Variants in ZNF568 observed in about 807,000 individuals in gnomAD.
ZNF568 encodes the protein zinc finger protein 568, also known as p53 inhibitor of SCO2 activation.
In ZNF568, 11 loss-of-function variants were observed where a neutral mutation model predicts 18.1. That is an observed-to-expected ratio of 0.61 (90% CI 0.38 to 1.00). The LOEUF (loss-of-function observed/expected upper bound fraction) is 1.00, where lower values mean the gene tolerates loss of function less well. Among genes scored for constraint, ZNF568 ranks in the 50% least tolerant of loss-of-function variants. ZNF568 has a pLI of 0.01. For missense variants in ZNF568, 639 were observed against 768.2 expected, an observed-to-expected ratio of 0.83 and a Z score of 1.99; for synonymous variants, 213 against 246.6, an observed-to-expected ratio of 0.86 and a Z score of 1.28.
intron 7 of ZNF568, among the ~76,000 whole-genome samples, chr19:36,975,428 C>G (rs992521599): frequency 2.0e-5 from 3 of 151,634 alleles, no homozygotes; most frequent in African/African-American, 4.8e-5. Flanking sequence ...GCTCTGTCGC[C>G]AGTTAGGAGT....
rs142062272 is a variant in ZNF568, at chr19:36,974,222, T to A, written c.359-198T>A. Among the ~76,000 whole-genome samples, 47 of 152,208 alleles carry A rather than the reference T, an allele frequency of 3.1e-4. No individual in the cohort carries two copies. The East Asian group carries it at 8.5e-3, about 28-fold the overall frequency. On this transcript the variant is annotated intron_variant, in intron 6 of 7. Transcript: ENST00000427117. ...GTTATGGAGGAAGAGGGCTACGGTC[T>A]GGGGGGCTCTCCCAGGACTTCTCTC... is the stretch of plus-strand genomic sequence containing the variant.
chr19:36,937,142 A>G lies in ZNF568; in HGVS notation c.263-5A>G, dbSNP rs770931884. On this transcript the variant is annotated splice_polypyrimidine_tract_variant and splice_region_variant and intron_variant, in intron 5 of 6. Coordinates refer to ENST00000333987, the MANE Select transcript of ZNF568 (RefSeq NM_198539.4). ...ATCCACATCCTTTGCTATTTCTTGT[A>G]ATAGGCTGTCAAGTCACCAAACCGG... is the stretch of plus-strand genomic sequence containing the variant. 44 of 1,613,180 alleles carry G rather than the reference A, an allele frequency of 2.7e-5. No individual in the cohort carries two copies. Among genetic ancestry groups the G allele is most frequent in the Non-Finnish European group, 3.5e-5 (41 of 1,179,484 alleles).
chr19:36,955,081 G>A (rs907284433), downstream of ZNF568, among the ~76,000 whole-genome samples: 2 of 151,890 alleles, frequency 1.3e-5, no homozygotes, highest in Non-Finnish European at 2.9e-5. Context: ...GTTTCACTAC[G>A]TAGGTCAAGC....
At chr19:36,981,900 A>G (rs1237815303), downstream of ZNF568, among the ~76,000 whole-genome samples, 2 of 151,310 alleles carry the variant, frequency 1.3e-5, no homozygotes, top group African/African-American at 4.9e-5. Context: ...AAAATAAAAT[A>G]TAATTTTCTC....
At chr19:36,930,501 G>A (rs1186865532) in intron 4 of ZNF568, among the ~76,000 whole-genome samples, 3 of 152,142 alleles carry the variant, frequency 2.0e-5, no homozygotes, top group East Asian at 1.9e-4. Flanking sequence ...GAGCCACCGC[G>A]CCTGGCCAGG....
intron 4 of ZNF568, among the ~76,000 whole-genome samples, chr19:36,926,067 C>G (rs1319024742): frequency 6.6e-6 from 1 of 152,124 alleles, no homozygotes; most frequent in African/African-American, 2.4e-5. Context: ...TTCAAATGAT[C>G]CTACGTATAT....
chr19:36,958,096 A>G (rs1476463167), intron 6 of ZNF568, among the ~76,000 whole-genome samples: 1 of 152,194 alleles, frequency 6.6e-6, no homozygotes. Flanking sequence ...TCAAAGGTTG[A>G]ATCAATCTTG....
intron 2 of ZNF568, among the ~76,000 whole-genome samples, chr19:36,921,497 A>G (rs191625459): frequency 6.6e-6 from 1 of 152,200 alleles, no homozygotes; most frequent in East Asian, 1.9e-4. Flanking sequence ...ACTGTCATGA[A>G]AAAAAGTGAG....
intron 6 of ZNF568, among the ~76,000 whole-genome samples, chr19:36,960,075 GTAC>G (rs959651799): frequency 1.4e-5 from 2 of 143,260 alleles, no homozygotes; most frequent in Non-Finnish European, 3.1e-5. Context: ...GTTCTTTGAG[GTAC>G]ATTGTTAGAG....
In ZNF568 at chr19:36,937,146, G is replaced by C; in HGVS notation, c.263-1G>C. 1 of 1,613,478 alleles carries C rather than the reference G, an allele frequency of 6.2e-7. No individual in the cohort carries two copies. Among genetic ancestry groups the C allele is most frequent in the East Asian group, 2.2e-5 (1 of 44,878 alleles). ...ACATCCTTTGCTATTTCTTGTAATA[G>C]GCTGTCAAGTCACCAAACCGGATGT... On this transcript the variant is annotated splice_acceptor_variant, in intron 5 of 6. Coordinates refer to ENST00000333987, the MANE Select transcript of ZNF568 (RefSeq NM_198539.4). LOFTEE classifies it high-confidence loss of function.
At chr19:36,942,985 G>A (rs559610140) in intron 6 of ZNF568, among the ~76,000 whole-genome samples, 1 of 152,224 alleles carries the variant, frequency 6.6e-6, no homozygotes, top group South Asian at 2.1e-4. Flanking sequence ...ACAAAAGCAG[G>A]CTGTGGGTAT....
chr19:36,985,675 A>G (rs2074370397), intron 2 of ZNF568, among the ~76,000 whole-genome samples: 1 of 152,086 alleles, frequency 6.6e-6, no homozygotes, highest in African/African-American at 2.4e-5. Flanking sequence ...GGTGCGCACC[A>G]CCATGCCCGG....
At chr19:36,921,527 G>A (rs904770465) in intron 2 of ZNF568, among the ~76,000 whole-genome samples, 7 of 151,700 alleles carry the variant, frequency 4.6e-5, no homozygotes, top group Non-Finnish European at 7.4e-5. Flanking sequence ...GGTATTAGGA[G>A]GATATCTCAA....
chr19:36,927,891 ATATATATATATATTTTTTTTTTTTTTTT>A (rs2073601221), intron 4 of ZNF568, among the ~76,000 whole-genome samples: 53 of 24,752 alleles, frequency 2.1e-3, no homozygotes, highest in Admixed American at 0.018. Flanking sequence ...TATATATTAT[ATATATATATATATTTTTTTTTTTTTTTT>A]TTTTTTTTTT....
At chr19:36,940,536 T>C (rs935377473) in intron 6 of ZNF568, among the ~76,000 whole-genome samples, 5 of 152,226 alleles carry the variant, frequency 3.3e-5, no homozygotes, top group South Asian at 2.1e-4. Context: ...TAGAGCTATA[T>C]TTGGGAAGAT....
chr19:36,994,703 G>A lies in ZNF568; in HGVS notation c.230-1614G>A, dbSNP rs554886793. Among the ~76,000 whole-genome samples, 5 of 152,150 alleles carry A rather than the reference G, an allele frequency of 3.3e-5. No homozygotes were observed. The East Asian group carries it at 5.8e-4, about 18-fold the overall frequency. ...TTGTTTTTTTCTGAGATGGAGTCTA[G>A]TGTTGTTGCCCAGGCTGGAGTGCAG... On this transcript the variant is annotated intron_variant, in intron 4 of 4. Coordinates refer to the ZNF568 transcript ENST00000433993.
In ZNF568 at chr19:36,937,165, C is replaced by G; in HGVS notation, c.281C>G (p.Pro94Arg). ...GTAATAGGCTGTCAAGTCACCAAAC[C>G]GGATGTGATATTCAAGTTGGAGCAA... ...LVTVGCQVTK[P>R]DVIFKLEQEE... The change falls in exon 6 of 7, where the codon CCG becomes CGG. Residue 94 changes from proline (P) to arginine (R), a missense_variant. Transcript: ENST00000333987. 1 of 1,613,878 alleles carries G rather than the reference C, an allele frequency of 6.2e-7. No individual in the cohort carries two copies. Among genetic ancestry groups the G allele is most frequent in the African/African-American group, 1.3e-5 (1 of 75,016 alleles).
chr19:36,976,701 G>A (rs1253223288), intron 7 of ZNF568, among the ~76,000 whole-genome samples: 3 of 152,022 alleles, frequency 2.0e-5, no homozygotes, highest in Non-Finnish European at 4.4e-5. Context: ...ACCTGAGGTC[G>A]AGAGTTCAAG....
intron 6 of ZNF568, among the ~76,000 whole-genome samples, chr19:36,971,356 T>C (rs2074234575): frequency 2.0e-5 from 3 of 152,108 alleles, no homozygotes; most frequent in African/African-American, 7.2e-5. Flanking sequence ...AAACTGTGGA[T>C]TTTTAAATTT....
Sources: allele counts gnomAD v4.1 joint callset (sites outside exome capture counted in the v4.1 genomes callset), GRCh38; gene constraint gnomAD v4.1.1; transcripts MANE v1.5; gene names NCBI Gene and HGNC (gene_info 2026-07-23, HGNC 2026-07-21).